The following GDAP1 variants were observed in gnomAD, a reference collection of about 807,000 sequenced individuals.
GDAP1 encodes ganglioside-induced differentiation-associated protein 1.
GDAP1 carries 34 observed loss-of-function variants against 40.1 expected under a neutral mutation model. The ratio of observed to expected loss-of-function variants is 0.85; its 90% CI spans 0.64 to 1.13. The LOEUF is 1.13. GDAP1 is among the 50% of genes most tolerant of loss of function. The probability of loss-of-function intolerance (pLI) is 0.00; values close to 1 mark genes in which losing one functional copy is unlikely to be tolerated. For synonymous variants in GDAP1, 170 were observed against 157.4 expected (o/e 1.08, Z -0.60); for missense variants, 374 against 433.7 (o/e 0.86, Z 1.22).
intron 1 of GDAP1, 38 bp downstream of exon 1, chr8:74,350,616 G>C (rs1188646909): frequency 7.9e-7 from 1 of 1,263,024 alleles, no homozygotes; most frequent in African/African-American, 1.5e-5. Context: ...GGCGCGGATC[G>C]GGCTTCAGCA....
chr8:74,393,865 C>G (rs1045043221), intron 2 of GDAP1, among the ~76,000 whole-genome samples: 6 of 152,130 alleles, frequency 3.9e-5, no homozygotes, highest in African/African-American at 9.7e-5. Context: ...TGAGAGATAA[C>G]TAGAACCCTG....
At chr8:74,439,635 G>A (rs976384335) in intron 2 of GDAP1, among the ~76,000 whole-genome samples, 6 of 150,272 alleles carry the variant, frequency 4.0e-5, no homozygotes, top group African/African-American at 1.5e-4. Context: ...TTCTAATATT[G>A]TTTTCATTAA....
At chr8:74,395,817 T>C (rs950857616) in intron 2 of GDAP1, among the ~76,000 whole-genome samples, 3 of 152,204 alleles carry the variant, frequency 2.0e-5, no homozygotes, top group African/African-American at 7.2e-5. Context: ...CACATTTATT[T>C]TAACCTCTAA....
chr8:74,485,762 AC>A (rs975408707), intron 2 of GDAP1, among the ~76,000 whole-genome samples: 116 of 151,896 alleles, frequency 7.6e-4, no homozygotes, highest in African/African-American at 2.8e-3. Context: ...CACTGAGGAA[AC>A]CACCTTGAAT....
intron 2 of GDAP1, among the ~76,000 whole-genome samples, chr8:74,372,646 T>A (rs1490781189): frequency 2.6e-5 from 4 of 152,182 alleles, no homozygotes; most frequent in East Asian, 3.8e-4. Flanking sequence ...GTTTGAGTTC[T>A]TTGTAGATTC....
chr8:74,360,869 A>G (rs1313572044), intron 3 of GDAP1, among the ~76,000 whole-genome samples: 3 of 152,222 alleles, frequency 2.0e-5, no homozygotes, highest in African/African-American at 7.2e-5. Context: ...GCTTTATAGC[A>G]GAGATAATTG....
chr8:74,436,282 T>C (rs1806087319), intron 2 of GDAP1, among the ~76,000 whole-genome samples: 1 of 152,172 alleles, frequency 6.6e-6, no homozygotes, highest in Admixed American at 6.5e-5. Flanking sequence ...CTAGGAGTTA[T>C]AGAATTGGAA....
At chr8:74,469,150 T>G (rs1257321190) in intron 2 of GDAP1, among the ~76,000 whole-genome samples, 1 of 152,178 alleles carries the variant, frequency 6.6e-6, no homozygotes, top group East Asian at 1.9e-4. Context: ...TTTCTAATGT[T>G]CTGTTTTAAA....
intron 2 of GDAP1, among the ~76,000 whole-genome samples, chr8:74,407,561 A>G (rs1026334175): frequency 1.3e-5 from 2 of 149,828 alleles, no homozygotes; most frequent in Non-Finnish European, 2.9e-5. Flanking sequence ...CTGAGTCACT[A>G]CTGGCATCCT....
At chr8:74,444,272 A>C (rs1806203269) in intron 2 of GDAP1, among the ~76,000 whole-genome samples, 1 of 151,582 alleles carries the variant, frequency 6.6e-6, no homozygotes, top group Non-Finnish European at 1.5e-5. Flanking sequence ...CCTGCTGCTG[A>C]CACATGGCTA....
At chr8:74,426,680 A>T (rs1805951378) in intron 2 of GDAP1, among the ~76,000 whole-genome samples, 1 of 152,170 alleles carries the variant, frequency 6.6e-6, no homozygotes, top group Non-Finnish European at 1.5e-5. Context: ...TTTTTCTAAT[A>T]CTTAGATATC....
rs73345382 is a variant in GDAP1, at chr8:74,358,983, C to G, written c.311-1154C>G. On this transcript the variant is annotated intron_variant, in intron 2 of 5. Transcript: ENST00000220822. ...TTTTGAAATTGTGATAGTTATTAGACCTGACATTTTTTAGGGACAGTTTGA... is the reference window on the plus strand; with the variant it reads ...TTTTGAAATTGTGATAGTTATTAGAGCTGACATTTTTTAGGGACAGTTTGA... Among the ~76,000 whole-genome samples the G allele has an allele frequency of 5.5e-3, 842 of 152,246 alleles. 8 individuals are homozygous for G. Among genetic ancestry groups the G allele is most frequent in the African/African-American group, 0.018 (748 of 41,542 alleles).
chr8:74,459,845 C>T (rs547013059), intron 2 of GDAP1, among the ~76,000 whole-genome samples: 5 of 152,102 alleles, frequency 3.3e-5, no homozygotes, highest in Admixed American at 1.3e-4. Flanking sequence ...TTAAGGCATG[C>T]GCAGGAGCTA....
In GDAP1 at chr8:74,366,223, T is replaced by C. The variant is rs1288942061; in HGVS notation, c.*1856T>C. On this transcript the variant is annotated 3_prime_UTR_variant, in exon 6 of 6. Coordinates refer to ENST00000220822, the MANE Select transcript of GDAP1 (RefSeq NM_018972.4). ...CGTTAAAGATAGTGGCAATTTCATA[T>C]ATTTCATGGATACTTGAGTTTGTGC... 3 of 454,046 alleles carry C rather than the reference T, an allele frequency of 6.6e-6. No individual in the cohort carries two copies. The highest frequency in any genetic ancestry group is 3.1e-5 in the South Asian group (2 of 64,238). 28.1% of individuals were successfully genotyped at this position (454,046 alleles called of 1,614,324 possible).
At chr8:74,452,066 C>T (rs1170536534) in intron 2 of GDAP1, among the ~76,000 whole-genome samples, 1 of 81,382 alleles carries the variant, frequency 1.2e-5, no homozygotes, top group East Asian at 3.6e-4. Context: ...TCTCCTGCCA[C>T]AGCCTCCCAA....
At chr8:74,393,496 G>C (rs73686977) in intron 2 of GDAP1, among the ~76,000 whole-genome samples, 3,056 of 152,150 alleles carry the variant, frequency 0.02, 67 homozygotes, top group African/African-American at 0.052. Context: ...AGGTATCCTG[G>C]ATCAAAATGT....
intron 2 of GDAP1, among the ~76,000 whole-genome samples, chr8:74,375,519 A>G (rs185169095): frequency 6.0e-4 from 92 of 152,376 alleles, no homozygotes; most frequent in Non-Finnish European, 1.1e-3. Context: ...CATTAACCAA[A>G]TAAAGATGAA....
chr8:74,362,784 C>CTTTTTTTTTTTTTTTTTTTTTTTCTTTT (rs1284434868), intron 4 of GDAP1, among the ~76,000 whole-genome samples, 155 bp from the exon 5 acceptor site: 1 of 60,450 alleles, frequency 1.7e-5, no homozygotes, highest in African/African-American at 6.3e-5. Flanking sequence ...CTCTCTCTCT[C>CTTTTTTTTTTTTTTTTTTTTTTTCTTTT]TTTTTTTTTT....
At chr8:74,408,469 C>T (rs1181731511) in intron 2 of GDAP1, among the ~76,000 whole-genome samples, 4 of 149,876 alleles carry the variant, frequency 2.7e-5, no homozygotes, top group Admixed American at 6.6e-5. Context: ...ATGGGATTAG[C>T]GTCCTTATAA....
Sources: allele counts gnomAD v4.1 joint callset (sites outside exome capture counted in the v4.1 genomes callset), GRCh38; gene constraint gnomAD v4.1.1; transcripts MANE v1.5; gene names NCBI Gene and HGNC (gene_info 2026-07-23, HGNC 2026-07-21).